RBMS1: variants seen among roughly 807,000 people sequenced by gnomAD.
RBMS1 encodes the protein RNA-binding motif, single-stranded-interacting protein 1.
A neutral mutation model predicts 62.3 loss-of-function variants in RBMS1; 17 were observed. The ratio of observed to expected loss-of-function variants is 0.27; its 90% confidence interval spans 0.19 to 0.41. The LOEUF is 0.41. Ranked by LOEUF, RBMS1 falls within the 10% of genes least tolerant of loss-of-function variation. The pLI is 1.00. For missense variants in RBMS1, 334 were observed against 504.5 expected, an observed-to-expected ratio of 0.66 and a Z score of 3.24; for synonymous variants, 172 against 170.0, an observed-to-expected ratio of 1.01 and a Z score of -0.09.
At chr2:160,363,206 A>T (rs1459786251) in intron 2 of RBMS1, among the ~76,000 whole-genome samples, 2 of 152,206 alleles carry the variant, frequency 1.3e-5, no homozygotes, top group African/African-American at 4.8e-5. Flanking sequence ...TACCAAACCC[A>T]GCAATCCTGA....
At chr2:160,347,847 TA>T (rs952305856) in intron 2 of RBMS1, among the ~76,000 whole-genome samples, 17 of 152,208 alleles carry the variant, frequency 1.1e-4, no homozygotes, top group African/African-American at 3.9e-4. Context: ...CTGATATCCT[TA>T]ATCTTCTGTT....
At chr2:160,284,151 G>A (rs1559316677) in intron 9 of RBMS1, 1 of 153,954 alleles carries the variant, frequency 6.5e-6, no homozygotes, top group East Asian at 1.9e-4. Context: ...GTTCATGGCG[G>A]ACAGGAGCTA....
intron 1 of RBMS1, among the ~76,000 whole-genome samples, chr2:160,439,992 C>G (rs568076586): frequency 4.7e-5 from 7 of 149,138 alleles, no homozygotes; most frequent in African/African-American, 1.7e-4. Context: ...TGCAGTGAGC[C>G]GAGATGGCAG....
intron 1 of RBMS1, among the ~76,000 whole-genome samples, chr2:160,473,806 T>A (rs1156382974): frequency 3.9e-5 from 6 of 152,216 alleles, no homozygotes; most frequent in African/African-American, 1.4e-4. Flanking sequence ...GTTTGACTAC[T>A]TCTCCTCTAT....
At chr2:160,367,502 T>A in intron 1 of RBMS1, 111 bp from the exon 2 acceptor site, 1 of 1,488,368 alleles carries the variant, frequency 6.7e-7, no homozygotes, top group East Asian at 2.3e-5. Context: ...CTTTGAGTTA[T>A]AAATTTTAAT....
intron 2 of RBMS1, among the ~76,000 whole-genome samples, chr2:160,353,612 G>C (rs1692639818): frequency 6.6e-6 from 1 of 152,100 alleles, no homozygotes; most frequent in Admixed American, 6.6e-5. Flanking sequence ...TCATGATAAA[G>C]AGCAGAGTTA....
chr2:160,412,131 C>G (rs1324134917), intron 1 of RBMS1, among the ~76,000 whole-genome samples: 2 of 152,002 alleles, frequency 1.3e-5, no homozygotes, highest in African/African-American at 2.4e-5. Context: ...AGGTGTATAC[C>G]AACTAGAATA....
At chr2:160,352,204 G>A (rs560272054) in intron 2 of RBMS1, among the ~76,000 whole-genome samples, 23 of 152,130 alleles carry the variant, frequency 1.5e-4, no homozygotes, top group Non-Finnish European at 3.4e-4. Context: ...ATGCCGGAAG[G>A]AGCGTCTTCC....
At chr2:160,305,571 C>T (rs974767876) in intron 4 of RBMS1, among the ~76,000 whole-genome samples, 5 of 152,060 alleles carry the variant, frequency 3.3e-5, no homozygotes, top group African/African-American at 1.2e-4. Context: ...AATGCATTCA[C>T]CAGAATATAT....
intron 4 of RBMS1, among the ~76,000 whole-genome samples, chr2:160,309,249 T>C (rs539243388): frequency 6.6e-6 from 1 of 152,204 alleles, no homozygotes; most frequent in African/African-American, 2.4e-5. Flanking sequence ...ACCATGTGAA[T>C]TGCTTTCCTC....
chr2:160,446,094 T>C (rs968952592), intron 1 of RBMS1, among the ~76,000 whole-genome samples: 4 of 152,190 alleles, frequency 2.6e-5, no homozygotes, highest in African/African-American at 9.7e-5. Flanking sequence ...CAACCTTATA[T>C]CATTATCATA....
At chr2:160,407,530 C>A in intron 1 of RBMS1, 1 of 986,504 alleles carries the variant, frequency 1.0e-6, no homozygotes, top group Non-Finnish European at 1.2e-6. Context: ...TGGGGAAGAT[C>A]ATCGCTGCGG....
chr2:160,282,249 C>T (rs550202025), intron 9 of RBMS1: 70 of 1,367,740 alleles, frequency 5.1e-5, no homozygotes, highest in Admixed American at 2.3e-4. Flanking sequence ...GAATGTATTG[C>T]GATTTACCTT....
Position 160,324,903 on chromosome 2 carries a change from TATATAC to T in RBMS1, c.252-6682_252-6677del, listed in dbSNP as rs1429800855. Among the ~76,000 whole-genome samples, 69 of 118,982 alleles carry T rather than the reference TATATAC, an allele frequency of 5.8e-4. 2 individuals are homozygous for T. In the South Asian group the frequency reaches 9.1e-3, roughly 16 times the overall value. The allele number at this position is 118,982 out of a possible 152,430, so 78.1% of individuals were successfully genotyped here. On this transcript the variant is annotated intron_variant, in intron 2 of 13. Coordinates refer to ENST00000348849, the MANE Select transcript of RBMS1 (RefSeq NM_016836.4). ...GTGTGTATATATATATATATATATA[TATATAC>T]ACACACACACACACACACACACACA...
chr2:160,454,925 G>T (rs1356368727), intron 1 of RBMS1, among the ~76,000 whole-genome samples: 3 of 152,076 alleles, frequency 2.0e-5, no homozygotes, highest in Non-Finnish European at 4.4e-5. Flanking sequence ...ATAATTATTT[G>T]AACATCCATC....
At chr2:160,306,693 C>T (rs1689546092) in intron 4 of RBMS1, among the ~76,000 whole-genome samples, 3 of 149,168 alleles carry the variant, frequency 2.0e-5, no homozygotes, top group Middle Eastern at 3.5e-3. Flanking sequence ...TCCATGAATT[C>T]TTTTTTTTCT....
chr2:160,455,083 A>C (rs960874063), intron 1 of RBMS1, among the ~76,000 whole-genome samples: 2 of 152,218 alleles, frequency 1.3e-5, no homozygotes, highest in African/African-American at 4.8e-5. Context: ...AGAATGCCAC[A>C]TTATACATGC....
At chr2:160,377,089 G>A (rs1015324327) in intron 1 of RBMS1, among the ~76,000 whole-genome samples, 3 of 149,124 alleles carry the variant, frequency 2.0e-5, no homozygotes, top group African/African-American at 7.3e-5. Context: ...GGGCTTGCTG[G>A]GTTTTTTTTT....
At chr2:160,476,551 C>CTT (rs755429434) in intron 1 of RBMS1, among the ~76,000 whole-genome samples, 24,454 of 111,206 alleles carry the variant, frequency 0.22, 3,503 homozygotes, top group East Asian at 0.56. Context: ...AAACACACTT[C>CTT]TTTTTTTTTT....
Sources: gnomAD v4.1 joint callset for allele counts (sites outside exome capture counted in the v4.1 genomes callset) on GRCh38, gnomAD v4.1.1 for gene constraint, MANE v1.5 for transcripts, NCBI Gene and HGNC (gene_info 2026-07-23, HGNC 2026-07-21) for gene names.